SOX5: variants seen among roughly 807,000 people sequenced by gnomAD.
SOX5 encodes the protein SRY-box transcription factor 5, also known as transcription factor SOX-5.
A neutral mutation model predicts 92.0 loss-of-function variants in SOX5; 9 were observed. The ratio of observed to expected loss-of-function variants is 0.10; its 90% CI spans 0.06 to 0.17. The LOEUF is 0.17. SOX5 is among the 10% of genes least tolerant of loss of function. The probability of loss-of-function intolerance (pLI) is 1.00; values close to 1 mark genes in which losing one functional copy is unlikely to be tolerated. For synonymous variants in SOX5, 344 were observed against 336.3 expected (o/e 1.02, Z -0.25); for missense variants, 642 against 944.5 (o/e 0.68, Z 4.20).
chr12:24,245,556 C>T (rs184629034), intron 3 of SOX5, among the ~76,000 whole-genome samples: 95 of 152,132 alleles, frequency 6.2e-4, no homozygotes, highest in East Asian at 3.9e-4. Context: ...AATAGGCAGA[C>T]GGGGTAACAC....
intron 3 of SOX5, among the ~76,000 whole-genome samples, chr12:24,220,362 T>C (rs914854802): frequency 6.6e-6 from 1 of 151,412 alleles, no homozygotes; most frequent in Non-Finnish European, 1.5e-5. Context: ...TTTATGTAAC[T>C]AATGATGCAC....
At chr12:24,340,046 A>G (rs1284323975) in intron 2 of SOX5, among the ~76,000 whole-genome samples, 1 of 152,202 alleles carries the variant, frequency 6.6e-6, no homozygotes, top group African/African-American at 2.4e-5. Flanking sequence ...GCCCTGCAGA[A>G]GAGTCTTGCA....
intron 4 of SOX5, among the ~76,000 whole-genome samples, chr12:24,003,947 A>G (rs1951877389): frequency 6.6e-6 from 1 of 152,108 alleles, no homozygotes; most frequent in Non-Finnish European, 1.5e-5. Context: ...ATAAGATGAG[A>G]TATGTAAGTC....
intron 9 of SOX5, among the ~76,000 whole-genome samples, chr12:23,586,055 A>C (rs746516652): frequency 1.3e-5 from 2 of 152,046 alleles, no homozygotes; most frequent in Non-Finnish European, 2.9e-5. Context: ...CCGCTTGAAC[A>C]TCCCCTTCCT....
At chr12:23,903,414 T>A (rs1442286575) in intron 1 of SOX5, among the ~76,000 whole-genome samples, 1 of 151,970 alleles carries the variant, frequency 6.6e-6, no homozygotes, top group Non-Finnish European at 1.5e-5. Context: ...GAGACTCCAT[T>A]TCTATAAAAA....
At chr12:23,794,839 C>A (rs907062974) in intron 3 of SOX5, among the ~76,000 whole-genome samples, 1 of 152,062 alleles carries the variant, frequency 6.6e-6, no homozygotes, top group Non-Finnish European at 1.5e-5. Flanking sequence ...AAAATAGTAT[C>A]ATTTCTTAGT....
chr12:23,705,970 T>A (rs1441079975), intron 6 of SOX5, among the ~76,000 whole-genome samples: 1 of 137,260 alleles, frequency 7.3e-6, no homozygotes, highest in African/African-American at 2.6e-5. Flanking sequence ...ATTTAACATC[T>A]TTTTTTTTTT....
chr12:24,347,332 T>C (rs1372103365), intron 2 of SOX5, among the ~76,000 whole-genome samples: 1 of 152,162 alleles, frequency 6.6e-6, no homozygotes, highest in African/African-American at 2.4e-5. Context: ...ATCCTTGAAA[T>C]TTGGTATCTG....
intron 2 of SOX5, among the ~76,000 whole-genome samples, chr12:24,337,403 T>G (rs373168522): frequency 6.6e-6 from 1 of 151,666 alleles, no homozygotes; most frequent in East Asian, 1.9e-4. Context: ...TGCAGTGGCG[T>G]GATCTTGGTT....
At chr12:23,574,301 C>T (rs1044697456) in intron 10 of SOX5, among the ~76,000 whole-genome samples, 2 of 152,062 alleles carry the variant, frequency 1.3e-5, no homozygotes, top group Non-Finnish European at 2.9e-5. Flanking sequence ...CGATGAGGCT[C>T]GTATTTCCAG....
intron 4 of SOX5, among the ~76,000 whole-genome samples, chr12:24,057,437 A>G (rs1392450238): frequency 2.0e-5 from 3 of 152,208 alleles, no homozygotes; most frequent in African/African-American, 7.2e-5. Flanking sequence ...AGTTAATATT[A>G]TCAACACTTT....
chr12:23,892,228 G>C (rs2097136341), intron 2 of SOX5, among the ~76,000 whole-genome samples: 1 of 152,082 alleles, frequency 6.6e-6, no homozygotes, highest in Non-Finnish European at 1.5e-5. Context: ...CTAACCAAAA[G>C]CAATTTTTGA....
At position 24,387,940 on chromosome 12, in the gene SOX5, T is replaced by G. The variant is rs117160164; in HGVS notation, c.-250-19301A>C. 1.7e-3 allele frequency among the ~76,000 whole-genome samples: 260 copies of G among 152,272 alleles called. 1 individual carries two copies. The highest frequency in any genetic ancestry group is 2.9e-3 in the Non-Finnish European group (198 of 68,024). The stretch of plus-strand genomic sequence containing the variant: ...TGCTTTCTCACTCTCCCCATCAAAA[T>G]GCACCCACTTAATGGTCTATTAGCC... On this transcript the variant is annotated intron_variant, in intron 1 of 4. Transcript: ENST00000446891.
intron 10 of SOX5, among the ~76,000 whole-genome samples, chr12:23,568,891 CAAA>C (rs11398102): frequency 6.9e-6 from 1 of 145,422 alleles, no homozygotes; most frequent in Non-Finnish European, 1.5e-5. Flanking sequence ...AAGAATATCT[CAAA>C]AAAAAAAAAA....
chr12:24,435,722 T>C (rs1489446518), intron 1 of SOX5, among the ~76,000 whole-genome samples: 1 of 152,204 alleles, frequency 6.6e-6, no homozygotes, highest in East Asian at 1.9e-4. Context: ...GCTCATTTTA[T>C]TGCATTTCAC....
intron 3 of SOX5, among the ~76,000 whole-genome samples, chr12:24,234,667 A>G (rs76110925): frequency 0.011 from 1,704 of 152,326 alleles, 37 homozygotes; most frequent in African/African-American, 0.039. Context: ...AGTGCTGGTG[A>G]GCCACCACGC....
chr12:24,230,209 G>A (rs1013924872), intron 3 of SOX5, among the ~76,000 whole-genome samples: 12 of 152,018 alleles, frequency 7.9e-5, no homozygotes, highest in Non-Finnish European at 2.9e-5. Context: ...CACTGGAGAC[G>A]TCCTAAAACT....
At chr12:24,049,342 T>C (rs1957330443) in intron 4 of SOX5, among the ~76,000 whole-genome samples, 1 of 152,234 alleles carries the variant, frequency 6.6e-6, no homozygotes, top group African/African-American at 2.4e-5. Flanking sequence ...GCAGTTTATT[T>C]ACCCACGCTA....
intron 1 of SOX5, chr12:23,920,658 C>T (rs532389378): frequency 6.6e-6 from 1 of 152,288 alleles, no homozygotes; most frequent in South Asian, 2.1e-4. Context: ...CATGGACCTA[C>T]TCCTTATGCA....
Sources: gnomAD v4.1 joint callset for allele counts (sites outside exome capture counted in the v4.1 genomes callset) on GRCh38, gnomAD v4.1.1 for gene constraint, MANE v1.5 for transcripts, NCBI Gene and HGNC (gene_info 2026-07-23, HGNC 2026-07-21) for gene names.